The following CTNNA1 variants were observed in gnomAD, a reference collection of about 807,000 sequenced individuals.
The protein encoded by CTNNA1 is catenin alpha 1.
A neutral mutation model predicts 98.4 loss-of-function variants in CTNNA1; 37 were observed. That is an observed-to-expected ratio of 0.38 (90% CI 0.29 to 0.49). The LOEUF (loss-of-function observed/expected upper bound fraction) is 0.49, where lower values mean the gene tolerates loss of function less well. CTNNA1 is among the 20% of genes least tolerant of loss of function. The pLI is 0.95. For missense variants in CTNNA1, 761 were observed against 1,147.2 expected, an observed-to-expected ratio of 0.66 and a Z score of 4.86; for synonymous variants, 404 against 413.2, an observed-to-expected ratio of 0.98 and a Z score of 0.27.
intron 7 of CTNNA1, among the ~76,000 whole-genome samples, chr5:138,857,877 G>A (rs577460172): frequency 1.3e-5 from 2 of 152,172 alleles, no homozygotes; most frequent in African/African-American, 2.4e-5. Context: ...ACTTACAATT[G>A]TAATTCCCTT....
rs1765971045 is a variant in CTNNA1 at position 138,933,834 on chromosome 5, C to G, written c.2466C>G (p.Ala822=). 6.2e-7 allele frequency: 1 copy of G among 1,613,986 alleles called. No individual in the cohort carries two copies. The highest frequency in any genetic ancestry group is 8.5e-7 in the Non-Finnish European group (1 of 1,180,018). The change falls in exon 18 of 18, where the codon GCC becomes GCG. Residue 822 remains alanine, a synonymous_variant. Transcript: ENST00000302763. ...VDSAMSLIQA[A]KNLMNAVVQT... ...GCGCCATGTCCCTGATCCAGGCAGC[C>G]AAGAACTTGATGAATGCTGTGGTGC...
intron 7 of CTNNA1, among the ~76,000 whole-genome samples, chr5:138,855,727 G>T (rs1763672610): frequency 6.6e-6 from 1 of 152,206 alleles, no homozygotes; most frequent in Non-Finnish European, 1.5e-5. Context: ...AAAGCAGTAA[G>T]AGTTGATTTT....
At chr5:138,795,487 C>T (rs1250316142) in intron 3 of CTNNA1, among the ~76,000 whole-genome samples, 1 of 151,846 alleles carries the variant, frequency 6.6e-6, no homozygotes, top group Non-Finnish European at 1.5e-5. Context: ...AAAAAGCTAT[C>T]ACTTGTTGGT....
chr5:138,865,878 T>C (rs1446128152), intron 7 of CTNNA1, among the ~76,000 whole-genome samples: 1 of 152,244 alleles, frequency 6.6e-6, no homozygotes, highest in Admixed American at 6.5e-5. Context: ...AAATGATAAA[T>C]AACATTGTTT....
At chr5:138,755,177 C>T (rs1486999905) in intron 1 of CTNNA1, 1 of 152,196 alleles carries the variant, frequency 6.6e-6, no homozygotes, top group Non-Finnish European at 1.5e-5. Flanking sequence ...AGTGCCTTAA[C>T]AGTACTAATG....
chr5:138,789,220 A>G (rs1014290689), intron 3 of CTNNA1, among the ~76,000 whole-genome samples: 9 of 151,918 alleles, frequency 5.9e-5, no homozygotes, highest in Admixed American at 2.0e-4. Flanking sequence ...TGATACATGA[A>G]TACGAAAAAT....
Position 138,873,962 on chromosome 5 carries a change from C to G in CTNNA1, c.1063-12250C>G, listed in dbSNP as rs761378383. On this transcript the variant is annotated intron_variant, in intron 7 of 17. Transcript: ENST00000302763. This position sits in a 1 kb window ranked among gnomAD's most constrained non-coding sequence, Gnocchi z 6.1. Reference sequence around the variant, plus strand: ...TCTCAGTTTAATTAATCCTGCAAATCCATTGCGAGCCAAACTTCGCAAACG... The same window carrying G: ...TCTCAGTTTAATTAATCCTGCAAATGCATTGCGAGCCAAACTTCGCAAACG... The G allele has an allele frequency of 1.9e-6, 3 of 1,613,916 alleles. No homozygotes were observed. The highest frequency in any genetic ancestry group is 2.5e-6 in the Non-Finnish European group (3 of 1,179,910).
intron 10 of CTNNA1, among the ~76,000 whole-genome samples, chr5:138,910,237 T>C (rs1294612870): frequency 2.9e-4 from 42 of 143,976 alleles, no homozygotes; most frequent in African/African-American, 8.7e-4. Context: ...TTTTTTTTTT[T>C]TTTTTTTTTT....
chr5:138,855,621 G>A (rs778749845), intron 7 of CTNNA1, among the ~76,000 whole-genome samples: 1 of 152,156 alleles, frequency 6.6e-6, no homozygotes, highest in Non-Finnish European at 1.5e-5. Context: ...AGGTGTTTGG[G>A]GAGTCTACAA....
chr5:138,847,945 C>G (rs1762874469), intron 7 of CTNNA1, among the ~76,000 whole-genome samples: 1 of 152,138 alleles, frequency 6.6e-6, no homozygotes, highest in African/African-American at 2.4e-5. Flanking sequence ...CTTATAATTA[C>G]CTGTGTTTCT....
intron 2 of CTNNA1, chr5:138,782,291 T>G (rs1755201839): frequency 1.8e-6 from 1 of 544,230 alleles, no homozygotes; most frequent in African/African-American, 1.9e-5. Context: ...GCTTTGCAGA[T>G]ACTTCACCTT....
At chr5:138,909,392 T>C (rs1232208281) in intron 10 of CTNNA1, among the ~76,000 whole-genome samples, 2 of 147,590 alleles carry the variant, frequency 1.4e-5, no homozygotes, top group Non-Finnish European at 1.5e-5. Context: ...AGGTTTTCAC[T>C]CTGTTACCCA....
At chr5:138,884,298 G>T (rs888761275) in intron 7 of CTNNA1, among the ~76,000 whole-genome samples, 6 of 152,166 alleles carry the variant, frequency 3.9e-5, no homozygotes, top group African/African-American at 1.2e-4. Flanking sequence ...TTGTAGTTAA[G>T]ATAAATGGAG....
chr5:138,881,798 G>A (rs1225713642), intron 7 of CTNNA1, among the ~76,000 whole-genome samples: 4 of 152,110 alleles, frequency 2.6e-5, no homozygotes, highest in African/African-American at 9.7e-5. Context: ...GGCTGAGGAG[G>A]TATTTTATCT....
rs2149785908 is a variant in CTNNA1, at chr5:138,827,654, T to C, written c.998T>C (p.Ile333Thr). 6.2e-7 allele frequency: 1 copy of C among 1,614,202 alleles called. No homozygotes were observed. Among genetic ancestry groups the C allele is most frequent in the South Asian group, 1.1e-5 (1 of 91,082 alleles). ...ACGCGTGATGACCGTCGTGAGCGAA[T>C]TGTGGCAGAGTGTAATGCTGTCCGC... is the stretch of plus-strand genomic sequence containing the variant. ...SCTRDDRRERIVAECNAVRQA... is the reference protein window; with the variant it reads ...SCTRDDRRERTVAECNAVRQA... The change falls in exon 7 of 18, where the codon ATT (isoleucine) becomes ACT (threonine). Residue 333 changes from isoleucine (I) to threonine (T), a missense_variant. This residue lies in a region of CTNNA1 where 287 missense variants were observed against 436.0 expected (regional missense o/e 0.66). Coordinates refer to ENST00000302763, the MANE Select transcript of CTNNA1 (RefSeq NM_001903.5).
intron 7 of CTNNA1, among the ~76,000 whole-genome samples, chr5:138,884,724 C>G (rs1319756535): frequency 6.6e-6 from 1 of 152,096 alleles, no homozygotes; most frequent in Non-Finnish European, 1.5e-5. Flanking sequence ...TGAGGCACAT[C>G]CAACTCCCTC....
chr5:138,796,240 A>G (rs1756953090), intron 3 of CTNNA1, among the ~76,000 whole-genome samples: 1 of 152,234 alleles, frequency 6.6e-6, no homozygotes, highest in Non-Finnish European at 1.5e-5. Context: ...TTTACTTTAA[A>G]GACTGAAGGC....
intron 7 of CTNNA1, among the ~76,000 whole-genome samples, chr5:138,857,706 T>G (rs1478427968): frequency 1.3e-5 from 2 of 152,210 alleles, no homozygotes; most frequent in Non-Finnish European, 2.9e-5. Context: ...ATGGTACTGT[T>G]AATGCATAAA....
In CTNNA1 at chr5:138,799,095, C is replaced by T. The variant is rs542857860; in HGVS notation, c.302-10943C>T. ...TTTTTTAGTAGTTCTGGTCTTGAAC[C>T]TCTGATCTCAAGTAATCCCCTACCC... On this transcript the variant is annotated intron_variant, in intron 3 of 17. Coordinates refer to ENST00000302763, the MANE Select transcript of CTNNA1 (RefSeq NM_001903.5). Among the ~76,000 whole-genome samples, 11 of 152,004 alleles carry T rather than the reference C, an allele frequency of 7.2e-5. No individual in the cohort carries two copies. The East Asian group carries it at 1.9e-3, about 27-fold the overall frequency.
Sources: allele counts gnomAD v4.1 joint callset (sites outside exome capture counted in the v4.1 genomes callset), GRCh38; gene constraint gnomAD v4.1.1; regional missense constraint gnomAD v4.1.1; non-coding constraint Gnocchi (gnomAD v3.1); transcripts MANE v1.5; gene names NCBI Gene and HGNC (gene_info 2026-07-23, HGNC 2026-07-21).